The following FAM135B variants were observed in gnomAD, a reference collection of about 807,000 sequenced individuals.
FAM135B encodes family with sequence similarity 135 member B.
Under a neutral mutation model 127.7 loss-of-function variants are expected in FAM135B, and 43 were observed. The ratio of observed to expected loss-of-function variants is 0.34; its 90% CI spans 0.26 to 0.43. FAM135B has a LOEUF of 0.43. Among genes scored for constraint, FAM135B ranks in the 20% least tolerant of loss-of-function variants. The probability of loss-of-function intolerance (pLI) is 1.00; values close to 1 mark genes in which losing one functional copy is unlikely to be tolerated. For synonymous variants in FAM135B, 670 were observed against 665.1 expected, an observed-to-expected ratio of 1.01 and a Z score of -0.11; for missense variants, 1,558 against 1,725.6, an observed-to-expected ratio of 0.90 and a Z score of 1.72.
At chr8:138,250,760 C>A in intron 6 of FAM135B, 81 bp downstream of exon 6, 1 of 1,506,288 alleles carries the variant, frequency 6.6e-7, no homozygotes, top group Non-Finnish European at 9.1e-7. Flanking sequence ...GCTGATCTCT[C>A]CTGGAAAACT....
intron 1 of FAM135B, among the ~76,000 whole-genome samples, chr8:138,419,761 G>T (rs1834379149): frequency 6.6e-6 from 1 of 152,086 alleles, no homozygotes; most frequent in Admixed American, 6.6e-5. Context: ...TTTGGGTAAA[G>T]AATGAAATTA....
chr8:138,150,780 G>A (rs1311382978), intron 13 of FAM135B, among the ~76,000 whole-genome samples: 1 of 152,052 alleles, frequency 6.6e-6, no homozygotes, highest in Non-Finnish European at 1.5e-5. Context: ...AGAATATTGT[G>A]TAATCATTAC....
intron 1 of FAM135B, among the ~76,000 whole-genome samples, chr8:138,396,972 T>C (rs1264354381): frequency 6.6e-6 from 1 of 152,064 alleles, no homozygotes. Context: ...AACTAAAAAA[T>C]GTATAAAATC....
intron 1 of FAM135B, among the ~76,000 whole-genome samples, chr8:138,385,679 G>A (rs1021289511): frequency 6.6e-6 from 1 of 152,080 alleles, no homozygotes; most frequent in Non-Finnish European, 1.5e-5. Flanking sequence ...AGGCATGGTG[G>A]TGGGTGCCTG....
intron 1 of FAM135B, among the ~76,000 whole-genome samples, chr8:138,411,177 A>G (rs1354398942): frequency 6.6e-6 from 1 of 151,678 alleles, no homozygotes; most frequent in Non-Finnish European, 1.5e-5. Context: ...AGCCCACGTC[A>G]CCAAGTCAAT....
chr8:138,352,930 A>G (rs1829869272), intron 2 of FAM135B, among the ~76,000 whole-genome samples: 1 of 152,162 alleles, frequency 6.6e-6, no homozygotes, highest in African/African-American at 2.4e-5. Context: ...TCCTTCATCA[A>G]TAGCCAGCTA....
intron 1 of FAM135B, among the ~76,000 whole-genome samples, chr8:138,402,127 A>C (rs2131367788): frequency 6.6e-6 from 1 of 152,230 alleles, no homozygotes; most frequent in African/African-American, 2.4e-5. Flanking sequence ...AACAAAGAGA[A>C]GGAATAGCTG....
At chr8:138,417,082 A>T (rs904007265) in intron 1 of FAM135B, among the ~76,000 whole-genome samples, 1 of 152,290 alleles carries the variant, frequency 6.6e-6, no homozygotes, top group African/African-American at 2.4e-5. Flanking sequence ...TGGCTTGGGA[A>T]CAACTATAGT....
At chr8:138,490,127 C>T (rs927943136) in intron 1 of FAM135B, among the ~76,000 whole-genome samples, 2 of 152,194 alleles carry the variant, frequency 1.3e-5, no homozygotes, top group South Asian at 2.1e-4. Flanking sequence ...TTTTTGTTGA[C>T]TGCCTTCATT....
intron 2 of FAM135B, among the ~76,000 whole-genome samples, chr8:138,337,498 C>G (rs969871875): frequency 6.0e-5 from 9 of 150,708 alleles, no homozygotes; most frequent in Non-Finnish European, 1.2e-4. Flanking sequence ...TGAGTGAACT[C>G]CCATTCACAA....
intron 12 of FAM135B, among the ~76,000 whole-genome samples, chr8:138,164,048 C>T (rs1203571898): frequency 1.3e-5 from 2 of 152,090 alleles, no homozygotes; most frequent in Non-Finnish European, 2.9e-5. Flanking sequence ...TTTTTCCTTA[C>T]ACTAGAAGAA....
At chr8:138,251,638 T>G (rs1240784039) in intron 5 of FAM135B, among the ~76,000 whole-genome samples, 1 of 152,194 alleles carries the variant, frequency 6.6e-6, no homozygotes, top group Non-Finnish European at 1.5e-5. Context: ...CAATGTCTGC[T>G]CCAATATTTT....
intron 1 of FAM135B, among the ~76,000 whole-genome samples, chr8:138,486,723 C>CCT (rs922488032): frequency 1.3e-5 from 2 of 152,246 alleles, no homozygotes; most frequent in East Asian, 1.9e-4. Flanking sequence ...ATACTGCTTC[C>CCT]CTCTCTCTCT....
At chr8:138,302,895 G>A (rs556359666) in intron 3 of FAM135B, among the ~76,000 whole-genome samples, 3 of 152,322 alleles carry the variant, frequency 2.0e-5, no homozygotes, top group Admixed American at 6.5e-5. Flanking sequence ...ATCACAACAC[G>A]TGCCAGTTAG....
intron 3 of FAM135B, among the ~76,000 whole-genome samples, chr8:138,268,153 A>G (rs1823090512): frequency 6.6e-6 from 1 of 152,210 alleles, no homozygotes; most frequent in African/African-American, 2.4e-5. Context: ...GGACACAGCC[A>G]CACTGACCTT....
intron 1 of FAM135B, among the ~76,000 whole-genome samples, chr8:138,444,946 C>T (rs997498103): frequency 2.2e-4 from 34 of 151,420 alleles, no homozygotes; most frequent in Admixed American, 5.9e-4. Flanking sequence ...ATCAAATAGC[C>T]GCAATAAAAA....
intron 3 of FAM135B, among the ~76,000 whole-genome samples, chr8:138,302,837 C>A (rs1563875926): frequency 1.3e-5 from 2 of 152,238 alleles, no homozygotes; most frequent in African/African-American, 2.4e-5. Context: ...TCATACACAG[C>A]AAACTGTCAA....
At chr8:138,257,855 G>A (rs1195096271) in intron 4 of FAM135B, among the ~76,000 whole-genome samples, 1 of 149,460 alleles carries the variant, frequency 6.7e-6, no homozygotes, top group East Asian at 1.9e-4. Flanking sequence ...TTTGTATTAC[G>A]GGTTTTCAGC....
chr8:138,222,381 T>C (rs907327827), intron 7 of FAM135B, among the ~76,000 whole-genome samples: 1 of 152,136 alleles, frequency 6.6e-6, no homozygotes, highest in Non-Finnish European at 1.5e-5. Context: ...ATTCTATATA[T>C]GCCCCCTCCC....
Sources: allele counts gnomAD v4.1 joint callset (sites outside exome capture counted in the v4.1 genomes callset), GRCh38; gene constraint gnomAD v4.1.1; transcripts MANE v1.5; gene names NCBI Gene and HGNC (gene_info 2026-07-23, HGNC 2026-07-21).